FAM185A: variants seen among roughly 807,000 people sequenced by gnomAD.
The protein encoded by FAM185A is family with sequence similarity 185 member A.
A neutral mutation model predicts 45.7 loss-of-function variants in FAM185A; 21 were observed. The ratio of observed to expected loss-of-function variants is 0.46; its 90% confidence interval spans 0.33 to 0.66. FAM185A has a LOEUF of 0.66. FAM185A is among the 30% of genes least tolerant of loss of function. The pLI, the probability that FAM185A is intolerant of heterozygous loss-of-function variation, is 0.03. For synonymous variants in FAM185A, 117 were observed against 194.0 expected (o/e 0.60, Z 3.30); for missense variants, 305 against 485.4 (o/e 0.63, Z 3.49).
the FAM185A span, chr7:102,832,824 T>C: frequency 4.3e-6 from 7 of 1,613,722 alleles, no homozygotes; most frequent in Admixed American, 8.3e-5. Context: ...GTTTGAGCCC[T>C]GACTCCTGCA....
intron 6 of FAM185A, among the ~76,000 whole-genome samples, chr7:102,781,794 C>G (rs1006249366): frequency 2.6e-5 from 4 of 152,140 alleles, no homozygotes; most frequent in Non-Finnish European, 5.9e-5. Flanking sequence ...AGTAACGGAA[C>G]AAAGCTGGAT....
Position 102,801,497 on chromosome 7 carries a change from C to A in FAM185A, c.1067-6793C>A, listed in dbSNP as rs556266040. ...ACTATCTACTGCTTGAAGAGACTCA[C>A]CTAACACATAAGGACTCACATAAAC... On this transcript the variant is annotated intron_variant, in intron 7 of 7. Coordinates refer to ENST00000413034, the MANE Select transcript of FAM185A (RefSeq NM_001145268.2). 3.9e-4 allele frequency among the ~76,000 whole-genome samples: 59 copies of A among 152,232 alleles called. 1 individual carries two copies. In the South Asian group the frequency reaches 0.012, roughly 30 times the overall value.
chr7:102,779,862 T>C (rs1795296240), intron 6 of FAM185A: 1 of 135,012 alleles, frequency 7.4e-6, no homozygotes, highest in Admixed American at 7.5e-5. Flanking sequence ...TTTTTTTTTT[T>C]TTTTTTTTTT....
chr7:102,766,219 T>A (rs1197472487), intron 4 of FAM185A, among the ~76,000 whole-genome samples: 2 of 152,292 alleles, frequency 1.3e-5, no homozygotes, highest in Non-Finnish European at 2.9e-5. Context: ...TAAAAATTTA[T>A]GTTATGATCC....
the FAM185A span, among the ~76,000 whole-genome samples, chr7:102,836,269 A>G: frequency 6.6e-6 from 1 of 152,238 alleles, no homozygotes. Context: ...AATCTGAGGC[A>G]CAAAAATTGG....
intron 2 of FAM185A, among the ~76,000 whole-genome samples, chr7:102,757,467 G>A (rs968610296): frequency 6.6e-6 from 1 of 152,202 alleles, no homozygotes; most frequent in Non-Finnish European, 1.5e-5. Context: ...ATCTGGTGCA[G>A]AGAAAATGCC....
chr7:102,839,072 T>C, the FAM185A span, among the ~76,000 whole-genome samples: 14 of 152,208 alleles, frequency 9.2e-5, no homozygotes, highest in Non-Finnish European at 1.5e-4. Flanking sequence ...AATTCTGAGA[T>C]AGGAGAAAAA....
At chr7:102,845,713 TC>T in the FAM185A span, among the ~76,000 whole-genome samples, 1 of 152,216 alleles carries the variant, frequency 6.6e-6, no homozygotes, top group Non-Finnish European at 1.5e-5. Context: ...CAGGTTGCTA[TC>T]CTGTCACCCC....
chr7:102,811,428 T>C (rs528483903), downstream of FAM185A, among the ~76,000 whole-genome samples: 1 of 152,386 alleles, frequency 6.6e-6, no homozygotes, highest in East Asian at 1.9e-4. Context: ...CTTGGTCTCC[T>C]TTCATAGCTC....
intron 7 of FAM185A, among the ~76,000 whole-genome samples, chr7:102,804,406 A>G (rs1224935110): frequency 6.6e-6 from 1 of 152,262 alleles, no homozygotes; most frequent in Non-Finnish European, 1.5e-5. Context: ...GATCTTCGAG[A>G]AAGCAAACAA....
intron 4 of FAM185A, among the ~76,000 whole-genome samples, chr7:102,762,100 A>C (rs1336541456): frequency 6.6e-6 from 1 of 152,142 alleles, no homozygotes; most frequent in Non-Finnish European, 1.5e-5. Flanking sequence ...AAATTAATGA[A>C]ACATTTGGTG....
intron 7 of FAM185A, among the ~76,000 whole-genome samples, chr7:102,788,070 T>C (rs1795925463): frequency 6.6e-6 from 1 of 152,154 alleles, no homozygotes. Context: ...GTTCAAACGA[T>C]TCTGTTGCCT....
At chr7:102,762,723 C>T in intron 4 of FAM185A, among the ~76,000 whole-genome samples, 1 of 151,684 alleles carries the variant, frequency 6.6e-6, no homozygotes, top group Non-Finnish European at 1.5e-5. Context: ...GTTCTGGAGC[C>T]TCAATTTAAT....
chr7:102,760,282 A>G (rs1584283153), intron 3 of FAM185A, among the ~76,000 whole-genome samples: 3 of 152,220 alleles, frequency 2.0e-5, no homozygotes, highest in Admixed American at 2.0e-4. Flanking sequence ...AAGAAAATTT[A>G]TAGCAATACC....
At chr7:102,842,906 G>A in the FAM185A span, among the ~76,000 whole-genome samples, 1 of 152,216 alleles carries the variant, frequency 6.6e-6, no homozygotes, top group Non-Finnish European at 1.5e-5. Flanking sequence ...CAGACCAAAA[G>A]TCAAATGAAC....
intron 3 of FAM185A, 149 bp from the exon 4 acceptor site, chr7:102,761,124 G>A (rs1208533231): frequency 4.1e-5 from 27 of 661,328 alleles, no homozygotes; most frequent in African/African-American, 1.1e-4. Flanking sequence ...TCAGAATCTC[G>A]TAATTAGAGG....
chr7:102,802,803 G>A (rs1459966087), intron 7 of FAM185A, among the ~76,000 whole-genome samples: 1 of 151,930 alleles, frequency 6.6e-6, no homozygotes. Flanking sequence ...TAGACCATTA[G>A]TAAGATTAAC....
chr7:102,837,332 GAGA>G, the FAM185A span, among the ~76,000 whole-genome samples: 2 of 152,204 alleles, frequency 1.3e-5, no homozygotes, highest in Non-Finnish European at 2.9e-5. Flanking sequence ...CCCAGCCTCA[GAGA>G]AGCTCCCTGT....
chr7:102,799,014 C>T (rs1219995938), intron 7 of FAM185A, among the ~76,000 whole-genome samples: 2 of 152,224 alleles, frequency 1.3e-5, no homozygotes, highest in African/African-American at 4.8e-5. Context: ...TCCCAAAGTG[C>T]TGGGATTACA....
Sources: allele counts gnomAD v4.1 joint callset (sites outside exome capture counted in the v4.1 genomes callset), GRCh38; gene constraint gnomAD v4.1.1; transcripts MANE v1.5; gene names NCBI Gene and HGNC (gene_info 2026-07-23, HGNC 2026-07-21).